TRAPPC8: variants seen among roughly 807,000 people sequenced by gnomAD.
TRAPPC8 encodes the protein general sporulation gene 1 homolog.
TRAPPC8 carries 54 observed loss-of-function variants against 174.3 expected under a neutral mutation model. The ratio of observed to expected loss-of-function variants is 0.31; its 90% CI spans 0.25 to 0.39. TRAPPC8 has a LOEUF of 0.39. TRAPPC8 is among the 10% of genes least tolerant of loss of function. TRAPPC8 has a pLI of 1.00. For synonymous variants in TRAPPC8, 630 were observed against 579.9 expected (o/e 1.09, Z -1.24); for missense variants, 1,531 against 1,699.1 (o/e 0.90, Z 1.74).
At chr18:31,869,591 G>C (rs2034743035) in intron 16 of TRAPPC8, among the ~76,000 whole-genome samples, 1 of 152,140 alleles carries the variant, frequency 6.6e-6, no homozygotes, top group African/African-American at 2.4e-5. Context: ...GTATTACCGT[G>C]ATAGTCAACA....
At position 31,857,985 on chromosome 18, in the gene TRAPPC8, G is replaced by GTATA. The variant is rs746299358; in HGVS notation, c.2746-4_2746-3insTATA. The GTATA allele has an allele frequency of 1.9e-6, 3 of 1,570,562 alleles. No homozygotes were observed. The highest frequency in any genetic ancestry group is 2.6e-6 in the Non-Finnish European group (3 of 1,160,428). On this transcript the variant is annotated splice_region_variant and splice_polypyrimidine_tract_variant and intron_variant, in intron 19 of 28. Coordinates refer to ENST00000283351, the MANE Select transcript of TRAPPC8 (RefSeq NM_014939.5). ...GTAGGAAAATGTATAAAGAACACCT[G>GTATA]CATTGGAGGGAAAAAATATTATTAT...
intron 2 of TRAPPC8, among the ~76,000 whole-genome samples, 189 bp from the exon 3 acceptor site, chr18:31,917,856 G>T (rs2037216785): frequency 6.6e-6 from 1 of 152,192 alleles, no homozygotes; most frequent in Non-Finnish European, 1.5e-5. Flanking sequence ...TGGCACGGTG[G>T]CTCAGGCCTG....
intron 2 of TRAPPC8, among the ~76,000 whole-genome samples, chr18:31,924,685 C>G (rs1386854721): frequency 7.0e-6 from 1 of 143,162 alleles, no homozygotes; most frequent in Non-Finnish European, 1.5e-5. Context: ...TTGCAGTGAG[C>G]CAAGATCGCA....
In TRAPPC8 at chr18:31,900,791, A is replaced by G; in HGVS notation, c.1490+134T>C. The G allele has an allele frequency of 4.6e-6, 3 of 653,204 alleles. No individual in the cohort carries two copies. In the South Asian group the frequency reaches 6.7e-5, roughly 15 times the overall value. 40.5% of individuals were successfully genotyped at this position (653,204 alleles called of 1,614,324 possible). ...AAGAAAAAGGTATAATAAAACACTA[A>G]CTTTTTAAAAATCACCTCAACTTGT... On this transcript the variant is annotated intron_variant, in intron 10 of 28. Transcript: ENST00000283351.
At chr18:31,852,877 G>A (rs1479429632) in intron 22 of TRAPPC8, 3 of 496,080 alleles carry the variant, frequency 6.0e-6, no homozygotes, top group African/African-American at 3.9e-5. Flanking sequence ...GTGTGCACAT[G>A]TATATATATA....
rs982348681 is a variant in TRAPPC8, at chr18:31,870,607, C to G, written c.2258-105G>C. The stretch of plus-strand genomic sequence containing the variant: ...TGCTTTCATAGCTCTGCATTTCTGC[C>G]TAGACTGTCCTTTATTACCTTATAA... On this transcript the variant is annotated intron_variant, in intron 15 of 28. Coordinates refer to ENST00000283351, the MANE Select transcript of TRAPPC8 (RefSeq NM_014939.5). 7 of 1,236,254 alleles carry G rather than the reference C, an allele frequency of 5.7e-6. No individual in the cohort carries two copies. The African/African-American group carries it at 1.1e-4, about 19-fold the overall frequency. 76.6% of individuals were successfully genotyped at this position (1,236,254 alleles called of 1,614,324 possible). A position where few individuals can be genotyped will look rare whatever the true frequency, so the allele number is the denominator to read the frequency against.
chr18:31,831,134 CCT>C, intron 28 of TRAPPC8, 145 bp from the exon 29 acceptor site: 5 of 635,124 alleles, frequency 7.9e-6, no homozygotes, highest in Non-Finnish European at 1.4e-5. Flanking sequence ...AGGTGGATCA[CCT>C]GAGATCAGGA....
intron 9 of TRAPPC8, among the ~76,000 whole-genome samples, chr18:31,903,619 A>G (rs1040772310): frequency 6.6e-6 from 1 of 152,230 alleles, no homozygotes; most frequent in Non-Finnish European, 1.5e-5. Context: ...CCTTATCAAT[A>G]TATTCTGCCA....
chr18:31,853,798 C>T, intron 22 of TRAPPC8, 51 bp downstream of exon 22: 1 of 1,376,206 alleles, frequency 7.3e-7, no homozygotes, highest in African/African-American at 1.5e-5. Flanking sequence ...TTCTGGAAAA[C>T]CAAGTAATGA....
rs138233502 is a variant in TRAPPC8, at chr18:31,851,093, A to G, written c.3561+1353T>C. On this transcript the variant is annotated intron_variant, in intron 24 of 28. Coordinates refer to ENST00000283351, the MANE Select transcript of TRAPPC8 (RefSeq NM_014939.5). ...GTCAGATGAAAGCAAATGATAAAAG[A>G]AGTACAAAAATATAAGGATGTTTAG... Among the ~76,000 whole-genome samples the G allele has an allele frequency of 7.2e-3, 1,100 of 152,312 alleles. 14 individuals carry two copies. The highest frequency in any genetic ancestry group is 0.025 in the African/African-American group (1,055 of 41,560).
At chr18:31,863,308 T>C (rs2034425976) in intron 19 of TRAPPC8, among the ~76,000 whole-genome samples, 1 of 152,190 alleles carries the variant, frequency 6.6e-6, no homozygotes, top group Admixed American at 6.5e-5. Flanking sequence ...AAGGTTATTT[T>C]GTAGTGTATT....
chr18:31,832,678 G>A (rs182199496), intron 27 of TRAPPC8: 160 of 152,148 alleles, frequency 1.1e-3, no homozygotes, highest in African/African-American at 3.7e-3. Flanking sequence ...AATCTCTTTC[G>A]AGTGGATACA....
intron 17 of TRAPPC8, 67 bp downstream of exon 17, chr18:31,867,335 T>C: frequency 9.2e-7 from 1 of 1,090,188 alleles, no homozygotes. Flanking sequence ...GAATAAAGAT[T>C]ATTTAAAAAT....
chr18:31,929,082 T>C (rs1326685546), intron 2 of TRAPPC8, among the ~76,000 whole-genome samples: 1 of 151,450 alleles, frequency 6.6e-6, no homozygotes, highest in Non-Finnish European at 1.5e-5. Flanking sequence ...CTCGGGAGGC[T>C]GAGGCAGGAG....
chr18:31,885,857 TC>T (rs1250482209), intron 12 of TRAPPC8, among the ~76,000 whole-genome samples: 3 of 151,068 alleles, frequency 2.0e-5, no homozygotes, highest in East Asian at 3.9e-4. Flanking sequence ...CAAAACTCCA[TC>T]TCAAAAAAAC....
At position 31,871,106 on chromosome 18, in the gene TRAPPC8, C is replaced by A. The variant is rs779220164; in HGVS notation, c.2077G>T (p.Ala693Ser). The A allele has an allele frequency of 2.2e-5, 34 of 1,547,336 alleles. No individual in the cohort carries two copies. Among genetic ancestry groups the A allele is most frequent in the Non-Finnish European group, 2.9e-5 (33 of 1,141,654 alleles). ...RRPADGEKQA[A>S]THVSLDQEYD... ...TCTTGATCAAGACTTACATGAGTAG[C>A]TGCTTGTTTTTCACCTAAAAAAAAT... is the stretch of plus-strand genomic sequence containing the variant. Residue 693 changes from alanine to serine, a missense_variant, in exon 15 of 29, where the codon GCT becomes TCT. Coordinates refer to ENST00000283351, the MANE Select transcript of TRAPPC8 (RefSeq NM_014939.5).
rs1728965721 is a variant in TRAPPC8, at chr18:31,930,121, A to G, written c.352+1208T>C. ...AATTCTCTGCGTATGTTTAGGAAAA[A>G]CTTTTTTTTTTTTTTTTAAACAGAG... On this transcript the variant is annotated intron_variant, in intron 2 of 28. Coordinates refer to ENST00000283351, the MANE Select transcript of TRAPPC8 (RefSeq NM_014939.5). 4.6e-5 allele frequency among the ~76,000 whole-genome samples: 7 copies of G among 150,752 alleles called. No individual in the cohort carries two copies. The South Asian group carries it at 1.5e-3, about 31-fold the overall frequency.
rs2145061721 is a variant in TRAPPC8 at position 31,852,499 on chromosome 18, T to C, written c.3508A>G (p.Thr1170Ala). 6.2e-7 allele frequency: 1 copy of C among 1,614,204 alleles called. No individual in the cohort carries two copies. Among genetic ancestry groups the C allele is most frequent in the Non-Finnish European group, 8.5e-7 (1 of 1,180,014 alleles). ...AAGGTATATTTTTCAGAGGACTGTG[T>C]GGCCGCTAAAAAACAGGGGAAAACA... is the stretch of plus-strand genomic sequence containing the variant. ...AIRCEKEEAA[T>A]QSSEKYTFAD... Residue 1170 changes from threonine (T) to alanine (A), a missense_variant, in exon 24 of 29, where the codon ACA (threonine) becomes GCA (alanine). Coordinates refer to ENST00000283351, the MANE Select transcript of TRAPPC8 (RefSeq NM_014939.5).
intron 19 of TRAPPC8, among the ~76,000 whole-genome samples, chr18:31,862,137 CAAT>C (rs1309953000): frequency 6.6e-6 from 1 of 151,932 alleles, no homozygotes; most frequent in Admixed American, 6.6e-5. Context: ...GACTTTTAAA[CAAT>C]AATGGTGAAT....
Sources: gnomAD v4.1 joint callset for allele counts (sites outside exome capture counted in the v4.1 genomes callset) on GRCh38, gnomAD v4.1.1 for gene constraint, MANE v1.5 for transcripts, NCBI Gene and HGNC (gene_info 2026-07-23, HGNC 2026-07-21) for gene names.